KCNT2: variants seen among roughly 807,000 people sequenced by gnomAD.
The protein encoded by KCNT2 is potassium channel subfamily T member 2.
In KCNT2, 67 loss-of-function variants were observed where a neutral mutation model predicts 153.8. The observed-to-expected ratio is 0.44, with a 90% CI of 0.36 to 0.53. KCNT2 has a LOEUF of 0.53. Ranked by LOEUF, KCNT2 falls within the 20% of genes least tolerant of loss-of-function variation. KCNT2 has a pLI of 0.00. For synonymous variants in KCNT2, 500 were observed against 458.8 expected, an observed-to-expected ratio of 1.09 and a Z score of -1.15; for missense variants, 975 against 1,354.8, an observed-to-expected ratio of 0.72 and a Z score of 4.40.
At chr1:196,364,869 G>C (rs1667908891) in intron 14 of KCNT2, among the ~76,000 whole-genome samples, 1 of 151,984 alleles carries the variant, frequency 6.6e-6, no homozygotes, top group Admixed American at 6.6e-5. Flanking sequence ...AGTTAATGAA[G>C]AACTTCTTTT....
chr1:196,555,368 T>C (rs540882801), intron 1 of KCNT2, among the ~76,000 whole-genome samples: 2 of 151,334 alleles, frequency 1.3e-5, no homozygotes, highest in African/African-American at 4.8e-5. Flanking sequence ...GTTAAAAATC[T>C]AAAAAAGAAA....
chr1:196,259,009 T>C (rs1455850200), intron 25 of KCNT2, among the ~76,000 whole-genome samples: 5 of 152,170 alleles, frequency 3.3e-5, no homozygotes, highest in Non-Finnish European at 5.9e-5. Context: ...ATATGTGAAT[T>C]TTTAAAATTC....
At chr1:196,303,302 C>T (rs1481225129) in intron 22 of KCNT2, among the ~76,000 whole-genome samples, 1 of 152,078 alleles carries the variant, frequency 6.6e-6, no homozygotes, top group East Asian at 1.9e-4. Context: ...GCCTAGATAC[C>T]TGGTATTAAA....
At chr1:196,289,707 T>C (rs1660011541) in intron 22 of KCNT2, among the ~76,000 whole-genome samples, 1 of 152,122 alleles carries the variant, frequency 6.6e-6, no homozygotes, top group Non-Finnish European at 1.5e-5. Flanking sequence ...TGTCTAGTTA[T>C]TGGGTTTTAC....
intron 12 of KCNT2, among the ~76,000 whole-genome samples, chr1:196,401,394 C>A (rs1039374640): frequency 1.3e-5 from 2 of 151,716 alleles, no homozygotes; most frequent in Admixed American, 6.6e-5. Flanking sequence ...ACTAGACAGT[C>A]TGAGATGTTA....
chr1:196,600,876 G>T (rs1183385879), intron 1 of KCNT2, among the ~76,000 whole-genome samples: 1 of 152,138 alleles, frequency 6.6e-6, no homozygotes, highest in Admixed American at 6.5e-5. Flanking sequence ...GATGAGAAGG[G>T]ACTTAAAGTC....
At chr1:196,598,061 C>T (rs924970302) in intron 1 of KCNT2, among the ~76,000 whole-genome samples, 1 of 152,014 alleles carries the variant, frequency 6.6e-6, no homozygotes, top group Non-Finnish European at 1.5e-5. Flanking sequence ...AAATAAAACA[C>T]ATAGCTATAA....
At chr1:196,489,242 C>G (rs1401844666) in intron 3 of KCNT2, among the ~76,000 whole-genome samples, 1 of 151,940 alleles carries the variant, frequency 6.6e-6, no homozygotes, top group African/African-American at 2.4e-5. Context: ...ACTCATGTAT[C>G]CATTCATTCA....
At chr1:196,521,611 C>T (rs1487670141) in intron 1 of KCNT2, among the ~76,000 whole-genome samples, 1 of 152,088 alleles carries the variant, frequency 6.6e-6, no homozygotes, top group Non-Finnish European at 1.5e-5. Context: ...TGGAATACTA[C>T]TCAGCCATAA....
chr1:196,420,859 T>A (rs948720522), intron 12 of KCNT2, among the ~76,000 whole-genome samples: 1 of 152,050 alleles, frequency 6.6e-6, no homozygotes, highest in Non-Finnish European at 1.5e-5. Context: ...TATCCCTGGA[T>A]CAAATTCTCC....
chr1:196,538,339 G>A (rs969120448), intron 1 of KCNT2, among the ~76,000 whole-genome samples: 9 of 152,170 alleles, frequency 5.9e-5, no homozygotes, highest in Admixed American at 5.2e-4. Context: ...TCACCCAGCT[G>A]GGGATCCTCT....
intron 14 of KCNT2, among the ~76,000 whole-genome samples, chr1:196,355,650 T>C (rs1388393621): frequency 6.6e-6 from 1 of 151,762 alleles, no homozygotes; most frequent in Non-Finnish European, 1.5e-5. Flanking sequence ...AACGGGTTTT[T>C]TGAAGTGTTC....
chr1:196,402,520 A>G (rs1671502444), intron 12 of KCNT2, among the ~76,000 whole-genome samples: 2 of 151,656 alleles, frequency 1.3e-5, no homozygotes, highest in Non-Finnish European at 3.0e-5. Flanking sequence ...CACAAAAAAA[A>G]TTCAAAAGGC....
chr1:196,349,419 G>A (rs1238339153), intron 14 of KCNT2, among the ~76,000 whole-genome samples: 2 of 152,080 alleles, frequency 1.3e-5, no homozygotes, highest in East Asian at 1.9e-4. Context: ...CTGGGCTGTC[G>A]CTGCTCTGCA....
At chr1:196,499,343 C>T (rs1220435415) in intron 1 of KCNT2, among the ~76,000 whole-genome samples, 4 of 152,298 alleles carry the variant, frequency 2.6e-5, no homozygotes, top group Non-Finnish European at 5.9e-5. Context: ...ATGGTGACAA[C>T]ACCAGTTCTC....
At chr1:196,438,349 C>A (rs1423804036) in intron 8 of KCNT2, among the ~76,000 whole-genome samples, 1 of 151,700 alleles carries the variant, frequency 6.6e-6, no homozygotes, top group African/African-American at 2.4e-5. Context: ...ATCCCTCTTT[C>A]CTAAGGATTC....
At chr1:196,273,418 T>G (rs1340999419) in intron 25 of KCNT2, 4 of 1,267,788 alleles carry the variant, frequency 3.2e-6, no homozygotes, top group Non-Finnish European at 3.3e-6. Context: ...TAGCTCTGAA[T>G]TAATATATTA....
chr1:196,285,450 G>C (rs1228379034), intron 23 of KCNT2, among the ~76,000 whole-genome samples: 2 of 151,968 alleles, frequency 1.3e-5, no homozygotes, highest in African/African-American at 4.8e-5. Context: ...AATTTCCATA[G>C]GTTATTTTTA....
At chr1:196,534,312 A>C (rs1190295447) in intron 1 of KCNT2, among the ~76,000 whole-genome samples, 1 of 152,026 alleles carries the variant, frequency 6.6e-6, no homozygotes, top group Non-Finnish European at 1.5e-5. Flanking sequence ...TTCCTACTAG[A>C]CTCTGTGGAA....
Sources: allele counts gnomAD v4.1 joint callset (sites outside exome capture counted in the v4.1 genomes callset), GRCh38; gene constraint gnomAD v4.1.1; transcripts MANE v1.5; gene names NCBI Gene and HGNC (gene_info 2026-07-23, HGNC 2026-07-21).